RUNX1: variants seen among roughly 807,000 people sequenced by gnomAD.
RUNX1 encodes runt-related transcription factor 1.
A neutral mutation model predicts 42.8 loss-of-function variants in RUNX1; 19 were observed. The ratio of observed to expected loss-of-function variants is 0.44; its 90% CI spans 0.31 to 0.65. The LOEUF is 0.65. Ranked by LOEUF, RUNX1 falls within the 30% of genes least tolerant of loss-of-function variation. RUNX1 has a pLI of 0.07. For missense variants in RUNX1, 528 were observed against 672.0 expected (o/e 0.79, Z 2.37); for synonymous variants, 271 against 289.4 (o/e 0.94, Z 0.64).
rs148634643 is a variant in RUNX1 at position 35,009,075 on chromosome 21, C to T, written c.58+39767G>A. Among the ~76,000 whole-genome samples, 431 of 152,268 alleles carry T rather than the reference C, an allele frequency of 2.8e-3. 1 individual carries two copies. The highest frequency in any genetic ancestry group is 4.0e-3 in the African/African-American group (168 of 41,550). On this transcript the variant is annotated intron_variant, in intron 2 of 8. Coordinates refer to ENST00000675419, the MANE Select transcript of RUNX1 (RefSeq NM_001754.5). ...GTTGGCCCTGAAGAATTTAGAACTG[C>T]GTCAAAAGGAAATCTGGTCTATCAG...
intron 2 of RUNX1, among the ~76,000 whole-genome samples, chr21:34,963,063 T>G (rs556895958): frequency 1.8e-4 from 27 of 152,314 alleles, no homozygotes; most frequent in African/African-American, 6.0e-4. Flanking sequence ...AGAACTCTGT[T>G]AACAGAGCAC....
chr21:34,878,309 C>T (rs1200211072), intron 5 of RUNX1, among the ~76,000 whole-genome samples: 1 of 148,204 alleles, frequency 6.7e-6, no homozygotes, highest in African/African-American at 2.5e-5. Context: ...TCAAATCGGG[C>T]CTTCAGACAG....
At chr21:34,872,962 C>G (rs555929109) in intron 5 of RUNX1, among the ~76,000 whole-genome samples, 143 of 152,198 alleles carry the variant, frequency 9.4e-4, no homozygotes, top group African/African-American at 3.3e-3. Flanking sequence ...ATAAACTGCC[C>G]AGTGGTTTCA....
chr21:34,846,479 A>G (rs2057318271), intron 6 of RUNX1, among the ~76,000 whole-genome samples: 2 of 152,016 alleles, frequency 1.3e-5, no homozygotes, highest in Non-Finnish European at 2.9e-5. Context: ...TCCTACAACC[A>G]TCAAATCAAA....
intron 2 of RUNX1, among the ~76,000 whole-genome samples, chr21:34,959,472 A>G: frequency 6.6e-6 from 1 of 152,212 alleles, no homozygotes; most frequent in South Asian, 2.1e-4. Context: ...TCATAAATGC[A>G]GTGTGGATGT....
At chr21:34,941,433 A>T (rs1210395423) in intron 2 of RUNX1, among the ~76,000 whole-genome samples, 1 of 152,218 alleles carries the variant, frequency 6.6e-6, no homozygotes, top group Non-Finnish European at 1.5e-5. Context: ...ATTTTTGCCC[A>T]ATTCAACACA....
chr21:34,937,352 A>T (rs1461414951), intron 2 of RUNX1, among the ~76,000 whole-genome samples: 1 of 146,804 alleles, frequency 6.8e-6, no homozygotes, highest in Non-Finnish European at 1.5e-5. Context: ...ACAATAATCT[A>T]TTGTTGAGCT....
At chr21:34,935,609 T>C (rs1423903453) in intron 2 of RUNX1, among the ~76,000 whole-genome samples, 2 of 152,052 alleles carry the variant, frequency 1.3e-5, no homozygotes, top group African/African-American at 2.4e-5. Flanking sequence ...CTGGTTAACA[T>C]AGGGTTTCTC....
intron 2 of RUNX1, among the ~76,000 whole-genome samples, chr21:34,965,435 G>A (rs956071651): frequency 5.3e-5 from 8 of 151,894 alleles, no homozygotes; most frequent in East Asian, 1.9e-4. Context: ...AGATACTTCC[G>A]TTTTTACATA....
chr21:34,792,580 G>C lies in RUNX1; in HGVS notation c.998C>G (p.Pro333Arg), dbSNP rs200104203. The C allele has an allele frequency of 4.4e-6, 7 of 1,602,132 alleles. No homozygotes were observed. In the Admixed American group the frequency reaches 1.2e-4, roughly 27 times the overall value. The change falls in exon 9 of 9, where the codon CCG becomes CGG. Residue 333 changes from proline to arginine, a missense_variant. Pro to Arg is a moderately radical substitution (Grantham distance 103, BLOSUM62 -2). Coordinates refer to ENST00000675419, the MANE Select transcript of RUNX1 (RefSeq NM_001754.5). The surrounding 1 kb of genome is among the most constrained non-coding windows in gnomAD (Gnocchi z 6.9). ...TAPDLTAFSD[P>R]RQFPALPSIS... is the part of the protein sequence containing the mutation. ...GGAGGGCAGCGCGGGGAACTGGCGC[G>C]GGTCGCTGAACGCTGTCAGGTCGGG... is the stretch of plus-strand genomic sequence containing the variant.
intron 7 of RUNX1, chr21:34,833,900 T>C (rs2057101074): frequency 3.5e-6 from 1 of 285,504 alleles, no homozygotes; most frequent in African/African-American, 2.2e-5. Flanking sequence ...ACACCCTTGA[T>C]GTGATGACAT....
chr21:34,998,832 T>C (rs78618702), intron 2 of RUNX1, among the ~76,000 whole-genome samples: 30,690 of 152,184 alleles, frequency 0.2, 3,705 homozygotes, highest in South Asian at 0.34. Context: ...TGAGCCACCG[T>C]GCCCGGCCTC....
chr21:34,895,202 T>C (rs1202998434), intron 2 of RUNX1, among the ~76,000 whole-genome samples: 4 of 152,160 alleles, frequency 2.6e-5, no homozygotes, highest in Non-Finnish European at 5.9e-5. Flanking sequence ...TGAGAAGCTT[T>C]TATATTGATA....
At chr21:34,877,112 G>A (rs568467418) in intron 5 of RUNX1, among the ~76,000 whole-genome samples, 10 of 152,202 alleles carry the variant, frequency 6.6e-5, no homozygotes, top group African/African-American at 2.4e-4. Context: ...ACCCACCTCG[G>A]CCTCCCAAAG....
chr21:34,874,387 A>G (rs1169185330), intron 5 of RUNX1, among the ~76,000 whole-genome samples: 2 of 143,022 alleles, frequency 1.4e-5, no homozygotes, highest in African/African-American at 5.2e-5. Flanking sequence ...AGGCAGGTGG[A>G]CCACCCGAGA....
intron 2 of RUNX1, among the ~76,000 whole-genome samples, chr21:35,047,551 A>ACTCTCT (rs2059406909): frequency 2.2e-4 from 21 of 95,416 alleles, no homozygotes; most frequent in East Asian, 5.9e-4. Context: ...ACACACACAC[A>ACTCTCT]CACACACACA....
chr21:35,016,687 T>C (rs1333831063), intron 2 of RUNX1, among the ~76,000 whole-genome samples: 2 of 152,072 alleles, frequency 1.3e-5, no homozygotes, highest in African/African-American at 4.8e-5. Context: ...TGATACCCCA[T>C]TTCTGGGGCC....
chr21:34,934,019 C>G (rs1304196442), intron 2 of RUNX1, among the ~76,000 whole-genome samples: 1 of 152,120 alleles, frequency 6.6e-6, no homozygotes, highest in East Asian at 1.9e-4. Context: ...ATTGGGTGAA[C>G]TTTTGATCAA....
chr21:34,865,082 T>C (rs1004126426), intron 5 of RUNX1, among the ~76,000 whole-genome samples: 1 of 152,094 alleles, frequency 6.6e-6, no homozygotes, highest in African/African-American at 2.4e-5. Context: ...TTCCATCTCG[T>C]AGCATTGTTC....
Sources: gnomAD v4.1 joint callset for allele counts (sites outside exome capture counted in the v4.1 genomes callset) on GRCh38, gnomAD v4.1.1 for gene constraint, Gnocchi (gnomAD v3.1) non-coding constraint, MANE v1.5 for transcripts, NCBI Gene and HGNC (gene_info 2026-07-23, HGNC 2026-07-21) for gene names.